Variants in ACP3 observed in about 807,000 individuals in gnomAD.
ACP3 encodes prostatic acid phosphatase.
In ACP3, 38 loss-of-function variants were observed where a neutral mutation model predicts 45.6. The ratio of observed to expected loss-of-function variants is 0.83; its 90% CI spans 0.64 to 1.09. ACP3 has a LOEUF of 1.09. Among genes scored for constraint, ACP3 ranks in the 50% least tolerant of loss-of-function variants. The pLI, the probability that ACP3 is intolerant of heterozygous loss-of-function variation, is 0.00. For missense variants in ACP3, 466 were observed against 463.2 expected (o/e 1.01, Z -0.05); for synonymous variants, 162 against 164.7 (o/e 0.98, Z 0.13).
Position 132,358,043 on chromosome 3 carries a change from A to ATAAG in ACP3, c.*1168_*1169insGTAA, listed in dbSNP as rs1343408803. The ATAAG allele has an allele frequency of 1.4e-5, 2 of 141,304 alleles. No individual in the cohort carries two copies. The highest frequency in any genetic ancestry group is 2.5e-5 in the African/African-American group (1 of 39,370). 8.8% of individuals were successfully genotyped at this position (141,304 alleles called of 1,614,324 possible). A position where few individuals can be genotyped will look rare whatever the true frequency, so the allele number is the denominator to read the frequency against. ...AGCGAGACCCTGTCTCAATAAATAAATAAATAAATAAATAAATAAATAAAT... is the reference window on the plus strand; with the variant it reads ...AGCGAGACCCTGTCTCAATAAATAAATAAGTAAATAAATAAATAAATAAATAAAT... On this transcript the variant is annotated 3_prime_UTR_variant, in exon 10 of 10. Coordinates refer to ENST00000336375, the MANE Select transcript of ACP3 (RefSeq NM_001099.5).
At chr3:132,318,186 T>C (rs1170546579) in intron 1 of ACP3, among the ~76,000 whole-genome samples, 2 of 152,080 alleles carry the variant, frequency 1.3e-5, no homozygotes, top group East Asian at 1.9e-4. Context: ...GAAAAGAAAA[T>C]ATACTGTTGA....
intron 5 of ACP3, among the ~76,000 whole-genome samples, chr3:132,339,212 T>C (rs534407678): frequency 1.3e-5 from 2 of 151,984 alleles, no homozygotes; most frequent in East Asian, 3.9e-4. Flanking sequence ...TATTTTAACA[T>C]TTCTGTCTGT....
At chr3:132,336,933 T>C (rs1161935654) in intron 4 of ACP3, among the ~76,000 whole-genome samples, 2 of 152,220 alleles carry the variant, frequency 1.3e-5, no homozygotes, top group Non-Finnish European at 2.9e-5. Context: ...TTTTGAAGTA[T>C]ATTTTTCTAA....
chr3:132,347,534 C>A (rs1019528960), intron 7 of ACP3, among the ~76,000 whole-genome samples: 9 of 152,110 alleles, frequency 5.9e-5, no homozygotes, highest in African/African-American at 2.2e-4. Context: ...GGCTGGAGTG[C>A]AGCAGCATGA....
intron 6 of ACP3, 47 bp downstream of exon 6, chr3:132,342,691 A>T: frequency 8.8e-7 from 1 of 1,131,762 alleles, no homozygotes; most frequent in Admixed American, 2.3e-5. Context: ...TGATTTTATG[A>T]TTTATGCTTA....
chr3:132,330,607 G>A (rs1038913216), intron 2 of ACP3, among the ~76,000 whole-genome samples: 1 of 152,114 alleles, frequency 6.6e-6, no homozygotes, highest in Non-Finnish European at 1.5e-5. Context: ...CCGCTACTCA[G>A]GTCACGGTAT....
intron 9 of ACP3, among the ~76,000 whole-genome samples, chr3:132,355,348 G>A (rs1310090380): frequency 6.6e-6 from 1 of 152,114 alleles, no homozygotes; most frequent in Non-Finnish European, 1.5e-5. Flanking sequence ...GTTTGATGGA[G>A]TATTGGTCAT....
chr3:132,331,324 A>G (rs1937394490), intron 2 of ACP3, among the ~76,000 whole-genome samples: 1 of 152,256 alleles, frequency 6.6e-6, no homozygotes, highest in African/African-American at 2.4e-5. Flanking sequence ...TGCTCTACCA[A>G]CAAGGATCCC....
chr3:132,343,934 G>C (rs1455953638), intron 6 of ACP3, among the ~76,000 whole-genome samples: 2 of 152,104 alleles, frequency 1.3e-5, no homozygotes, highest in African/African-American at 4.8e-5. Context: ...AGAAGTTCAG[G>C]ATGAGCCTGG....
At chr3:132,332,939 A>C (rs1337042265) in intron 4 of ACP3, among the ~76,000 whole-genome samples, 1 of 152,254 alleles carries the variant, frequency 6.6e-6, no homozygotes, top group Non-Finnish European at 1.5e-5. Context: ...GGTCCAAAGC[A>C]ACACTGCTGG....
chr3:132,337,197 C>T (rs753227315), intron 4 of ACP3, among the ~76,000 whole-genome samples: 2 of 150,814 alleles, frequency 1.3e-5, no homozygotes, highest in African/African-American at 2.4e-5. Flanking sequence ...TATTTACCAC[C>T]AACAGCTCAG....
At chr3:132,335,709 C>G (rs541747447) in intron 4 of ACP3, among the ~76,000 whole-genome samples, 1 of 152,140 alleles carries the variant, frequency 6.6e-6, no homozygotes, top group East Asian at 1.9e-4. Flanking sequence ...AGGCAGGAAA[C>G]AGTTTTAGGC....
Position 132,342,573 on chromosome 3 carries a change from A to G in ACP3, c.577A>G (p.Lys193Glu). The G allele has an allele frequency of 3.1e-6, 5 of 1,612,962 alleles. No homozygotes were observed. The highest frequency in any genetic ancestry group is 4.2e-6 in the Non-Finnish European group (5 of 1,179,570). ...TCAGGATTTTATAGCTACCTTGGGAAAACTTTCAGGATTACATGGCCAGGA... is the reference window on the plus strand; with the variant it reads ...TCAGGATTTTATAGCTACCTTGGGAGAACTTTCAGGATTACATGGCCAGGA... The part of the protein sequence containing the change: ...PYKDFIATLG[K>E]LSGLHGQDLF... The change falls in exon 6 of 10, where the codon AAA becomes GAA. Residue 193 changes from lysine to glutamate, a missense_variant. By Grantham distance (56) the Lys-to-Glu change is moderately conservative. Coordinates refer to ENST00000336375, the MANE Select transcript of ACP3 (RefSeq NM_001099.5).
At chr3:132,353,483 G>A (rs916831993) in intron 9 of ACP3, among the ~76,000 whole-genome samples, 7 of 152,222 alleles carry the variant, frequency 4.6e-5, no homozygotes, top group African/African-American at 1.7e-4. Context: ...TTTATCTGCT[G>A]TGACAACGAC....
Position 132,356,918 on chromosome 3 carries a change from C to T in ACP3, c.*40C>T. Reference sequence around the variant, plus strand: ...TCTGTAGAAGGAGTAGCTGCCCTTTCTCAGGGCAGATGATGCTTTGAGAAC... The same window carrying T: ...TCTGTAGAAGGAGTAGCTGCCCTTTTTCAGGGCAGATGATGCTTTGAGAAC... On this transcript the variant is annotated 3_prime_UTR_variant, in exon 10 of 10. Coordinates refer to ENST00000336375, the MANE Select transcript of ACP3 (RefSeq NM_001099.5). 5 of 1,575,782 alleles carry T rather than the reference C, an allele frequency of 3.2e-6. No individual in the cohort carries two copies. Among genetic ancestry groups the T allele is most frequent in the Non-Finnish European group, 3.5e-6 (4 of 1,157,306 alleles).
At position 132,344,988 on chromosome 3, in the gene ACP3, A is replaced by G. The variant is rs775573290; in HGVS notation, c.710A>G (p.Glu237Gly). ...ATEDTMTKLR[E>G]LSELSLLSLY... ...GAGGACACCATGACTAAGTTGAGAG[A>G]ATTGTCAGAATTGTCCCTCCTGTCC... Residue 237 changes from glutamate to glycine, a missense_variant, in exon 7 of 10, where the codon GAA becomes GGA. Transcript: ENST00000336375. The G allele has an allele frequency of 3.1e-6, 5 of 1,613,774 alleles. No homozygotes were observed. The highest frequency in any genetic ancestry group is 4.2e-6 in the Non-Finnish European group (5 of 1,179,918).
downstream of ACP3, among the ~76,000 whole-genome samples, chr3:132,362,089 T>G (rs980797416): frequency 6.6e-6 from 1 of 152,252 alleles, no homozygotes; most frequent in African/African-American, 2.4e-5. Context: ...CTTTAACTAT[T>G]CTGTAAAATT....
chr3:132,363,869 G>A (rs146314202), intron 10 of ACP3, among the ~76,000 whole-genome samples: 5 of 152,096 alleles, frequency 3.3e-5, no homozygotes, highest in East Asian at 1.9e-4. Context: ...CCCGGGAGGC[G>A]GAGGTTGCAG....
At chr3:132,331,551 A>T in intron 2 of ACP3, 96 bp from the exon 3 acceptor site, 1 of 876,008 alleles carries the variant, frequency 1.1e-6, no homozygotes, top group Non-Finnish European at 1.7e-6. Context: ...TGTTCATTCT[A>T]CACACATAAT....
Sources: gnomAD v4.1 joint callset for allele counts (sites outside exome capture counted in the v4.1 genomes callset) on GRCh38, gnomAD v4.1.1 for gene constraint, MANE v1.5 for transcripts, NCBI Gene and HGNC (gene_info 2026-07-23, HGNC 2026-07-21) for gene names.